Variants in VDAC1 observed in about 807,000 individuals in gnomAD.
VDAC1 encodes the protein non-selective voltage-gated ion channel VDAC1.
VDAC1 carries 10 observed loss-of-function variants against 34.7 expected under a neutral mutation model. The ratio of observed to expected loss-of-function variants is 0.29; its 90% CI spans 0.18 to 0.49. The LOEUF (loss-of-function observed/expected upper bound fraction) is 0.49. Ranked by LOEUF, VDAC1 falls within the 20% of genes least tolerant of loss-of-function variation. The pLI is 0.99. For synonymous variants in VDAC1, 130 were observed against 136.0 expected, an observed-to-expected ratio of 0.96 and a Z score of 0.30; for missense variants, 230 against 347.9, an observed-to-expected ratio of 0.66 and a Z score of 2.69.
the VDAC1 span, among the ~76,000 whole-genome samples, chr5:134,075,241 T>C: frequency 3.3e-5 from 5 of 152,214 alleles, no homozygotes; most frequent in Non-Finnish European, 7.3e-5. Flanking sequence ...TTGCACACTA[T>C]TCATGCTATT....
the VDAC1 span, among the ~76,000 whole-genome samples, chr5:134,101,916 C>A: frequency 6.6e-6 from 1 of 152,198 alleles, no homozygotes; most frequent in East Asian, 1.9e-4. Flanking sequence ...CCAAGAGACA[C>A]CCTTCTAGGA....
chr5:134,108,184 C>T, the VDAC1 span, among the ~76,000 whole-genome samples: 5 of 152,170 alleles, frequency 3.3e-5, no homozygotes, highest in Admixed American at 3.3e-4. Flanking sequence ...ACGCCTCAGA[C>T]TGCAGAATGC....
the VDAC1 span, among the ~76,000 whole-genome samples, chr5:134,074,651 C>G: frequency 3.9e-5 from 6 of 152,166 alleles, no homozygotes; most frequent in Admixed American, 1.3e-4. Context: ...CAGGCCTCTT[C>G]TCCTCCAGGT....
At chr5:134,038,043 G>C in the VDAC1 span, among the ~76,000 whole-genome samples, 1 of 152,086 alleles carries the variant, frequency 6.6e-6, no homozygotes, top group South Asian at 2.1e-4. Context: ...CCAAAGACTG[G>C]GGAAATTATG....
chr5:134,050,750 A>C, the VDAC1 span, among the ~76,000 whole-genome samples: 16 of 152,228 alleles, frequency 1.1e-4, no homozygotes, highest in Admixed American at 1.3e-4. Context: ...TATTAAAAAC[A>C]TGTCAAATTG....
At chr5:134,091,854 G>A in the VDAC1 span, among the ~76,000 whole-genome samples, 1 of 152,230 alleles carries the variant, frequency 6.6e-6, no homozygotes, top group Admixed American at 6.5e-5. Flanking sequence ...AGCCAGATCT[G>A]AAATCATGCA....
At chr5:134,069,265 T>C in the VDAC1 span, among the ~76,000 whole-genome samples, 302 of 152,292 alleles carry the variant, frequency 2.0e-3, no homozygotes, top group Admixed American at 3.3e-3. Context: ...CTAAACCTTA[T>C]GGTGCAGGAT....
the VDAC1 span, among the ~76,000 whole-genome samples, chr5:134,023,296 AG>A: frequency 2.0e-5 from 3 of 152,122 alleles, no homozygotes; most frequent in East Asian, 5.8e-4. Context: ...GGACACAGGG[AG>A]GGGAACATCA....
At position 133,973,891 on chromosome 5, in the gene VDAC1, T is replaced by C. The variant is rs1422632534; in HGVS notation, c.703-43A>G. The stretch of plus-strand genomic sequence containing the variant: ...AAAACAGAGAAAACATTAAGTATAA[T>C]ACTTTGCACTTCCATCTCCAAAATT... On this transcript the variant is annotated intron_variant, in intron 7 of 8. Transcript: ENST00000265333. 3.8e-6 allele frequency: 6 copies of C among 1,574,820 alleles called. No individual in the cohort carries two copies. In the Admixed American group the frequency reaches 1.2e-4, roughly 30 times the overall value.
At chr5:134,008,258 A>G (rs1266325512), upstream of VDAC1, among the ~76,000 whole-genome samples, 1 of 152,182 alleles carries the variant, frequency 6.6e-6, no homozygotes, top group Non-Finnish European at 1.5e-5. Context: ...CATAAGAGAA[A>G]GGCAGAGATG....
At chr5:134,034,761 G>A in the VDAC1 span, among the ~76,000 whole-genome samples, 774 of 152,074 alleles carry the variant, frequency 5.1e-3, 5 homozygotes, top group African/African-American at 0.018. Flanking sequence ...GTGAGAGCCA[G>A]GTTTCCACTA....
the VDAC1 span, among the ~76,000 whole-genome samples, chr5:134,084,160 C>T: frequency 6.6e-6 from 1 of 152,282 alleles, no homozygotes; most frequent in African/African-American, 2.4e-5. Flanking sequence ...TAAAGGATAG[C>T]TAGGGATCAG....
At chr5:133,995,065 A>G (rs1753247573) in intron 1 of VDAC1, among the ~76,000 whole-genome samples, 2 of 152,212 alleles carry the variant, frequency 1.3e-5, no homozygotes, top group South Asian at 4.2e-4. Context: ...TCTCATCGCT[A>G]ATCCCCAAAA....
At chr5:134,015,667 C>T in the VDAC1 span, among the ~76,000 whole-genome samples, 971 of 150,630 alleles carry the variant, frequency 6.4e-3, 5 homozygotes, top group Middle Eastern at 0.014. Flanking sequence ...TTTTTTGAGA[C>T]GGAGTCTCGC....
At chr5:133,979,179 G>A (rs1752591719) in intron 6 of VDAC1, among the ~76,000 whole-genome samples, 1 of 152,114 alleles carries the variant, frequency 6.6e-6, no homozygotes, top group South Asian at 2.1e-4. Flanking sequence ...ATACCCACTT[G>A]TTGCTTATTT....
chr5:134,110,122 G>A, the VDAC1 span, among the ~76,000 whole-genome samples: 1 of 152,178 alleles, frequency 6.6e-6, no homozygotes, highest in Admixed American at 6.5e-5. Context: ...TAACCCATGG[G>A]AATAGTCCTA....
chr5:134,105,139 C>G, the VDAC1 span, among the ~76,000 whole-genome samples: 7 of 152,324 alleles, frequency 4.6e-5, no homozygotes, highest in Admixed American at 4.6e-4. Flanking sequence ...ATCAGCAACC[C>G]TGAGATGCCC....
the VDAC1 span, among the ~76,000 whole-genome samples, chr5:134,067,159 T>G: frequency 6.6e-6 from 1 of 151,156 alleles, no homozygotes; most frequent in South Asian, 2.1e-4. Flanking sequence ...CACTGCAACC[T>G]CTGCCTTCTG....
intron 6 of VDAC1, among the ~76,000 whole-genome samples, chr5:133,979,870 G>A (rs897006731): frequency 4.6e-5 from 7 of 151,702 alleles, no homozygotes; most frequent in South Asian, 4.2e-4. Context: ...TACCCTCCCC[G>A]CCCCCTGCCA....
Sources: gnomAD v4.1 joint callset for allele counts (sites outside exome capture counted in the v4.1 genomes callset) on GRCh38, gnomAD v4.1.1 for gene constraint, MANE v1.5 for transcripts, NCBI Gene and HGNC (gene_info 2026-07-23, HGNC 2026-07-21) for gene names.